Variants in KCND2 observed in about 807,000 individuals in gnomAD.
The protein encoded by KCND2 is A-type voltage-gated potassium channel KCND2.
KCND2 carries 16 observed loss-of-function variants against 54.4 expected under a neutral mutation model. That is an observed-to-expected ratio of 0.29 (90% CI 0.20 to 0.45). KCND2 has a LOEUF of 0.45. Among genes scored for constraint, KCND2 ranks in the 20% least tolerant of loss-of-function variants. The pLI is 1.00. For missense variants in KCND2, 486 were observed against 824.2 expected (o/e 0.59, Z 5.02); for synonymous variants, 317 against 310.7 (o/e 1.02, Z -0.21).
At chr7:120,638,221 C>G (rs1322219973) in intron 1 of KCND2, among the ~76,000 whole-genome samples, 2 of 152,092 alleles carry the variant, frequency 1.3e-5, no homozygotes, top group Non-Finnish European at 2.9e-5. Flanking sequence ...ACTGCCTTTG[C>G]AATACCCAAA....
chr7:120,302,735 G>C (rs1799605008), intron 1 of KCND2, among the ~76,000 whole-genome samples: 1 of 152,156 alleles, frequency 6.6e-6, no homozygotes, highest in Non-Finnish European at 1.5e-5. Flanking sequence ...TGTACAAACT[G>C]TATTTAAAAA....
chr7:120,698,554 G>A (rs17142891), intron 1 of KCND2, among the ~76,000 whole-genome samples: 9,204 of 152,230 alleles, frequency 0.06, 772 homozygotes, highest in East Asian at 0.42. Context: ...AGCTATTTGT[G>A]ATTACTATGA....
chr7:120,360,786 A>T (rs956480697), intron 1 of KCND2, among the ~76,000 whole-genome samples: 7 of 152,074 alleles, frequency 4.6e-5, no homozygotes, highest in Admixed American at 1.3e-4. Context: ...CCAAAACTAA[A>T]ACTTTAGATA....
chr7:120,359,998 T>C (rs1469258000), intron 1 of KCND2, among the ~76,000 whole-genome samples: 2 of 152,146 alleles, frequency 1.3e-5, no homozygotes, highest in Non-Finnish European at 2.9e-5. Flanking sequence ...TAAACCTCTT[T>C]TCTTTATAAA....
chr7:120,450,080 C>T (rs1183245560), intron 1 of KCND2, among the ~76,000 whole-genome samples: 1 of 152,170 alleles, frequency 6.6e-6, no homozygotes, highest in Non-Finnish European at 1.5e-5. Context: ...AAGTAGCACT[C>T]ATTCTCTACC....
Position 120,395,029 on chromosome 7 carries a change from T to C in KCND2, c.1115+119282T>C, listed in dbSNP as rs533043658. On this transcript the variant is annotated intron_variant, in intron 1 of 5. Coordinates refer to ENST00000331113, the MANE Select transcript of KCND2 (RefSeq NM_012281.3). Reference sequence around the variant, plus strand: ...ATACCAAGTTTAGAGTCCCTGTCATTGAAACTCTCCTATGATGATAACTCC... The same window carrying C: ...ATACCAAGTTTAGAGTCCCTGTCATCGAAACTCTCCTATGATGATAACTCC... Among the ~76,000 whole-genome samples, 10 of 152,120 alleles carry C rather than the reference T, an allele frequency of 6.6e-5. No individual in the cohort carries two copies. The East Asian group carries it at 2.0e-3, about 30-fold the overall frequency.
chr7:120,325,600 C>T (rs918249116), intron 1 of KCND2, among the ~76,000 whole-genome samples: 2 of 151,648 alleles, frequency 1.3e-5, no homozygotes, highest in Non-Finnish European at 2.9e-5. Context: ...TGCTGGATTA[C>T]ATTTATTGAT....
chr7:120,558,184 G>A (rs982614564), intron 1 of KCND2, among the ~76,000 whole-genome samples: 3 of 152,004 alleles, frequency 2.0e-5, no homozygotes, highest in Admixed American at 1.3e-4. Flanking sequence ...TCAACAACAG[G>A]ATACGCCTCC....
At chr7:120,477,051 G>T (rs1395473628) in intron 1 of KCND2, among the ~76,000 whole-genome samples, 3 of 152,178 alleles carry the variant, frequency 2.0e-5, no homozygotes, top group African/African-American at 4.8e-5. Context: ...CCTAGCATTG[G>T]TGCATAATGG....
At chr7:120,358,291 T>G (rs1800537686) in intron 1 of KCND2, among the ~76,000 whole-genome samples, 2 of 152,140 alleles carry the variant, frequency 1.3e-5, no homozygotes, top group Admixed American at 1.3e-4. Flanking sequence ...TCCTTGTGGT[T>G]AGAATTATTT....
chr7:120,287,731 A>G (rs1335107015), intron 1 of KCND2, among the ~76,000 whole-genome samples: 1 of 151,896 alleles, frequency 6.6e-6, no homozygotes, highest in East Asian at 1.9e-4. Context: ...GTAATCCCAG[A>G]TACTTGGGAG....
At chr7:120,537,150 G>C (rs529803637) in intron 1 of KCND2, among the ~76,000 whole-genome samples, 129 of 152,244 alleles carry the variant, frequency 8.5e-4, no homozygotes, top group African/African-American at 2.9e-3. Flanking sequence ...TGGGATGCAG[G>C]ATACATGTTA....
chr7:120,304,694 A>G lies in KCND2; in HGVS notation c.1115+28947A>G, dbSNP rs141197431. Among the ~76,000 whole-genome samples, 180 of 152,174 alleles carry G rather than the reference A, an allele frequency of 1.2e-3. 2 individuals carry two copies. The highest frequency in any genetic ancestry group is 4.3e-3 in the East Asian group (22 of 5,174). ...TTTCTCTTCTTTCCTCTTTTTCACA[A>G]TCTCTTTCTACATCTTTACTTCTCT... On this transcript the variant is annotated intron_variant, in intron 1 of 5. Coordinates refer to ENST00000331113, the MANE Select transcript of KCND2 (RefSeq NM_012281.3).
intron 1 of KCND2, among the ~76,000 whole-genome samples, chr7:120,548,883 C>G (rs1358217003): frequency 6.6e-6 from 1 of 152,090 alleles, no homozygotes; most frequent in Non-Finnish European, 1.5e-5. Flanking sequence ...TGCTGAGCAT[C>G]ATACAAAAGT....
chr7:120,325,006 G>T (rs1334307718), intron 1 of KCND2, among the ~76,000 whole-genome samples: 1 of 128,976 alleles, frequency 7.8e-6, no homozygotes. Context: ...TCCTTGAAGA[G>T]GTCCTTCACA....
chr7:120,575,571 T>C (rs1011715054), intron 1 of KCND2, among the ~76,000 whole-genome samples: 1 of 152,202 alleles, frequency 6.6e-6, no homozygotes, highest in African/African-American at 2.4e-5. Context: ...AAACAAACTT[T>C]GTATCCTTCA....
chr7:120,430,974 C>T (rs952822203), intron 1 of KCND2, among the ~76,000 whole-genome samples: 12 of 152,106 alleles, frequency 7.9e-5, no homozygotes, highest in Non-Finnish European at 1.5e-4. Context: ...TGGCAAATAT[C>T]AATAAATATA....
At chr7:120,331,567 G>C (rs1327626118) in intron 1 of KCND2, among the ~76,000 whole-genome samples, 1 of 151,696 alleles carries the variant, frequency 6.6e-6, no homozygotes, top group Non-Finnish European at 1.5e-5. Flanking sequence ...TATGAGAAAA[G>C]TAAATTTTGC....
intron 1 of KCND2, among the ~76,000 whole-genome samples, chr7:120,355,738 A>G (rs898900494): frequency 6.6e-6 from 1 of 152,194 alleles, no homozygotes; most frequent in Non-Finnish European, 1.5e-5. Flanking sequence ...ATCATCATAA[A>G]GCAGAAAAAG....
Sources: gnomAD v4.1 joint callset for allele counts (sites outside exome capture counted in the v4.1 genomes callset) on GRCh38, gnomAD v4.1.1 for gene constraint, MANE v1.5 for transcripts, NCBI Gene and HGNC (gene_info 2026-07-23, HGNC 2026-07-21) for gene names.